DOCK1: variants seen among roughly 807,000 people sequenced by gnomAD.
The protein encoded by DOCK1 is dedicator of cytokinesis protein 1.
DOCK1 carries 138 observed loss-of-function variants against 262.7 expected under a neutral mutation model. That is an observed-to-expected ratio of 0.53 (90% confidence interval 0.46 to 0.61). The LOEUF (loss-of-function observed/expected upper bound fraction) is 0.61. Ranked by LOEUF, DOCK1 falls within the 20% of genes least tolerant of loss-of-function variation. The probability of loss-of-function intolerance (pLI) is 0.00; values close to 1 mark genes in which losing one functional copy is unlikely to be tolerated. For synonymous variants in DOCK1, 866 were observed against 867.4 expected, an observed-to-expected ratio of 1.00 and a Z score of 0.03; for missense variants, 1,908 against 2,370.7, an observed-to-expected ratio of 0.80 and a Z score of 4.05.
intron 27 of DOCK1, among the ~76,000 whole-genome samples, chr10:127,242,858 C>T (rs540109237): frequency 1.6e-4 from 24 of 152,224 alleles, no homozygotes; most frequent in Admixed American, 9.8e-4. Flanking sequence ...AGCATAATCC[C>T]GGATTCAGTC....
At chr10:127,445,111 A>G (rs2070451084) in intron 50 of DOCK1, among the ~76,000 whole-genome samples, 1 of 152,072 alleles carries the variant, frequency 6.6e-6, no homozygotes, top group South Asian at 2.1e-4. Context: ...AGAGGTCTAC[A>G]TTTTGGAGAG....
chr10:127,449,490 TTAAG>T (rs1254528488), intron 51 of DOCK1, among the ~76,000 whole-genome samples: 1 of 152,176 alleles, frequency 6.6e-6, no homozygotes, highest in African/African-American at 2.4e-5. Context: ...ATACAGTTGA[TTAAG>T]TAAGGGATAA....
chr10:127,369,260 C>A (rs1203628109), intron 33 of DOCK1, among the ~76,000 whole-genome samples: 1 of 152,140 alleles, frequency 6.6e-6, no homozygotes, highest in African/African-American at 2.4e-5. Context: ...CTTGTGTATT[C>A]TTTAATTCAT....
At chr10:127,354,221 A>G (rs1306533461) in intron 31 of DOCK1, among the ~76,000 whole-genome samples, 2 of 152,214 alleles carry the variant, frequency 1.3e-5, no homozygotes, top group Non-Finnish European at 2.9e-5. Context: ...TTAAAATGAC[A>G]TAGAGGAATG....
intron 29 of DOCK1, among the ~76,000 whole-genome samples, chr10:127,324,404 T>C (rs2062669364): frequency 6.6e-6 from 1 of 152,212 alleles, no homozygotes; most frequent in African/African-American, 2.4e-5. Flanking sequence ...GCAGGGCAGA[T>C]GGAGAAGACA....
At chr10:127,409,267 G>A (rs1295743402) in intron 41 of DOCK1, 46 bp from the exon 42 acceptor site, 1 of 1,613,016 alleles carries the variant, frequency 6.2e-7, no homozygotes, top group Admixed American at 1.7e-5. Flanking sequence ...CTCTCTCATG[G>A]TTGATGTCTA....
chr10:126,917,534 C>T (rs777327759), intron 1 of DOCK1, among the ~76,000 whole-genome samples: 20 of 152,138 alleles, frequency 1.3e-4, no homozygotes, highest in African/African-American at 1.9e-4. Context: ...GGCTGGTCCC[C>T]GGTCACAGTC....
intron 23 of DOCK1, among the ~76,000 whole-genome samples, chr10:127,077,980 G>A (rs1425941058): frequency 6.6e-6 from 1 of 152,046 alleles, no homozygotes; most frequent in African/African-American, 2.4e-5. Context: ...GGAGCCCAGG[G>A]GCAGGAGTGG....
At chr10:127,122,629 A>AT (rs34009633) in intron 25 of DOCK1, among the ~76,000 whole-genome samples, 105,243 of 144,696 alleles carry the variant, frequency 0.73, 40,020 homozygotes, top group South Asian at 0.87. Flanking sequence ...GGTTATAACA[A>AT]TTTTTTTTTT....
At position 126,905,476 on chromosome 10, in the gene DOCK1, CG is replaced by C; in HGVS notation, c.-41del. The C allele has an allele frequency of 7.7e-6, 4 of 518,576 alleles. No individual in the cohort carries two copies. Among genetic ancestry groups the C allele is most frequent in the Non-Finnish European group, 1.4e-5 (4 of 281,008 alleles). 32.1% of individuals were successfully genotyped at this position (518,576 alleles called of 1,614,324 possible). ...AAGGAATGGAAAATGGCGGCCTAGA[CG>C]CGGAGTTTCCTGCCCGACCCGCGGC... On this transcript the variant is annotated 5_prime_UTR_variant, in exon 1 of 52. Transcript: ENST00000623213.
chr10:127,225,755 TAGA>T (rs1206100147), intron 27 of DOCK1, among the ~76,000 whole-genome samples: 2 of 152,164 alleles, frequency 1.3e-5, no homozygotes, highest in Non-Finnish European at 2.9e-5. Flanking sequence ...AGTGGAAAAG[TAGA>T]AGACCATATC....
intron 1 of DOCK1, among the ~76,000 whole-genome samples, chr10:126,948,868 G>T (rs983207656): frequency 6.6e-6 from 1 of 152,100 alleles, no homozygotes; most frequent in African/African-American, 2.4e-5. Context: ...GGATATGTGT[G>T]CTGGGCCTGG....
chr10:127,047,678 CTCCCAG>C (rs2044440502), intron 21 of DOCK1, among the ~76,000 whole-genome samples: 1 of 152,170 alleles, frequency 6.6e-6, no homozygotes, highest in Non-Finnish European at 1.5e-5. Context: ...GCCCATCCCA[CTCCCAG>C]ACAAGCAGCC....
At position 126,999,425 on chromosome 10, in the gene DOCK1, C is replaced by A; in HGVS notation, c.839C>A (p.Ala280Asp). The A allele has an allele frequency of 6.2e-7, 1 of 1,612,948 alleles. No individual in the cohort carries two copies. Among genetic ancestry groups the A allele is most frequent in the Non-Finnish European group, 8.5e-7 (1 of 1,179,450 alleles). ...ATAGACAGATTACATAATTTGCGAG[C>A]CGTGTTTACTGTAAGTGCACCCAAA... The part of the protein sequence containing the change: ...KDIDRLHNLR[A>D]VFTDLGSKDL... Residue 280 changes from alanine to aspartate, a missense_variant, in exon 9 of 52, where the codon GCC becomes GAC. Around this residue, in one of 9 missense-constraint regions of DOCK1, gnomAD observed 102 missense variants for 154.9 expected, o/e 0.66. Coordinates refer to ENST00000623213, the MANE Select transcript of DOCK1 (RefSeq NM_001290223.2).
At chr10:127,324,265 G>A (rs909108905) in intron 29 of DOCK1, among the ~76,000 whole-genome samples, 3 of 152,192 alleles carry the variant, frequency 2.0e-5, no homozygotes, top group Non-Finnish European at 4.4e-5. Context: ...CACCAGCCAC[G>A]TCTCCTGGGA....
intron 29 of DOCK1, among the ~76,000 whole-genome samples, chr10:127,260,742 CAT>C (rs2060005808): frequency 8.9e-6 from 1 of 111,782 alleles, no homozygotes; most frequent in African/African-American, 3.7e-5. Flanking sequence ...TGTGGGTGTG[CAT>C]GTGTGTACCC....
At chr10:126,943,142 T>TACAC in intron 1 of DOCK1, among the ~76,000 whole-genome samples, 1 of 150,482 alleles carries the variant, frequency 6.6e-6, no homozygotes, top group African/African-American at 2.4e-5. Context: ...TAATCCCAGC[T>TACAC]ACACTGAGGC....
chr10:126,996,104 G>A (rs935468294), intron 6 of DOCK1, among the ~76,000 whole-genome samples: 4 of 151,942 alleles, frequency 2.6e-5, no homozygotes, highest in African/African-American at 9.7e-5. Flanking sequence ...CCTTAGGTGG[G>A]GTGCAGTGGC....
chr10:127,383,251 G>A (rs2065917912), intron 37 of DOCK1, among the ~76,000 whole-genome samples: 1 of 152,308 alleles, frequency 6.6e-6, no homozygotes. Flanking sequence ...TCTCCATGTG[G>A]AAGTGGAAGG....
Sources: gnomAD v4.1 joint callset for allele counts (sites outside exome capture counted in the v4.1 genomes callset) on GRCh38, gnomAD v4.1.1 for gene constraint, gnomAD v4.1.1 regional missense constraint, MANE v1.5 for transcripts, NCBI Gene and HGNC (gene_info 2026-07-23, HGNC 2026-07-21) for gene names.